Variants in XXYLT1 observed in about 807,000 individuals in gnomAD.
XXYLT1 encodes the protein UDP-xylose:alpha-xyloside alpha-1,3-xylosyltransferase.
Under a neutral mutation model 28.9 loss-of-function variants are expected in XXYLT1, and 20 were observed. That is an observed-to-expected ratio of 0.69 (90% confidence interval 0.49 to 1.00). XXYLT1 has a LOEUF of 1.00. Ranked by LOEUF, XXYLT1 falls within the 50% of genes least tolerant of loss-of-function variation. The pLI, the probability that XXYLT1 is intolerant of heterozygous loss-of-function variation, is 0.00. For synonymous variants in XXYLT1, 257 were observed against 253.8 expected, an observed-to-expected ratio of 1.01 and a Z score of -0.12; for missense variants, 542 against 560.1, an observed-to-expected ratio of 0.97 and a Z score of 0.33.
chr3:195,244,233 G>A (rs77423097), intron 1 of XXYLT1, among the ~76,000 whole-genome samples: 4,611 of 152,230 alleles, frequency 0.03, 96 homozygotes, highest in Non-Finnish European at 0.044. Flanking sequence ...CAAAGACACC[G>A]GCCCACTGGA....
intron 3 of XXYLT1, among the ~76,000 whole-genome samples, chr3:195,080,565 G>C (rs1037142231): frequency 6.6e-6 from 1 of 152,130 alleles, no homozygotes; most frequent in East Asian, 1.9e-4. Context: ...GATGGGGGAG[G>C]GTTTGTCAGA....
intron 3 of XXYLT1, among the ~76,000 whole-genome samples, chr3:195,100,221 T>C (rs1716701060): frequency 6.6e-6 from 1 of 152,152 alleles, no homozygotes; most frequent in Non-Finnish European, 1.5e-5. Context: ...TCATCCTCTG[T>C]GGATGTCTGA....
At chr3:195,103,401 CG>C (rs1560095879) in intron 3 of XXYLT1, among the ~76,000 whole-genome samples, 1 of 150,780 alleles carries the variant, frequency 6.6e-6, no homozygotes, top group African/African-American at 2.5e-5. Context: ...CAGCGGCCTG[CG>C]TCCATCACCC....
At chr3:195,190,401 A>C (rs78937434) in intron 2 of XXYLT1, among the ~76,000 whole-genome samples, 5,171 of 151,442 alleles carry the variant, frequency 0.034, 150 homozygotes, top group East Asian at 0.1. Context: ...AGGCTGAGGC[A>C]AAATAATCAC....
rs1398695676 is a variant in XXYLT1 at position 195,150,520 on chromosome 3, C to T, written c.785+5929G>A. On this transcript the variant is annotated intron_variant, in intron 3 of 3. Transcript: ENST00000310380. This position sits in a 1 kb window ranked among gnomAD's most constrained non-coding sequence, Gnocchi z 4.7. ...AAACCATGTGACTTAAAAAGGTGAA[C>T]GAGCGGACATGATTAAAATACTTAA... 2.0e-5 allele frequency among the ~76,000 whole-genome samples: 3 copies of T among 152,252 alleles called. No homozygotes were observed. Among genetic ancestry groups the T allele is most frequent in the African/African-American group, 7.2e-5 (3 of 41,544 alleles).
Position 195,173,153 on chromosome 3 carries a change from G to A in XXYLT1, c.653-16572C>T, listed in dbSNP as rs1325209201. ...CAGGAGCTCTGGCTCTCTAGACGGT[G>A]CTCCCAACAGTGGAGATGCTCACCC... On this transcript the variant is annotated intron_variant, in intron 2 of 3. Transcript: ENST00000310380. This position sits in a 1 kb window ranked among gnomAD's most constrained non-coding sequence, Gnocchi z 4.3. Among the ~76,000 whole-genome samples the A allele has an allele frequency of 6.6e-6, 1 of 152,188 alleles. No homozygotes were observed. The highest frequency in any genetic ancestry group is 1.9e-4 in the East Asian group (1 of 5,190).
At chr3:195,253,087 G>A (rs749753384) in intron 1 of XXYLT1, among the ~76,000 whole-genome samples, 9 of 152,246 alleles carry the variant, frequency 5.9e-5, no homozygotes, top group South Asian at 2.1e-4. Context: ...AGGGCTCTCC[G>A]TGGAGCCCAG....
intron 2 of XXYLT1, among the ~76,000 whole-genome samples, chr3:195,162,113 A>T (rs1297170107): frequency 6.6e-6 from 1 of 151,932 alleles, no homozygotes; most frequent in Non-Finnish European, 1.5e-5. Flanking sequence ...AAAAAAAAAA[A>T]ATTCCACTTG....
intron 2 of XXYLT1, among the ~76,000 whole-genome samples, chr3:195,198,944 A>G (rs1398293341): frequency 1.3e-5 from 2 of 152,236 alleles, no homozygotes; most frequent in Non-Finnish European, 2.9e-5. Context: ...TCTCAAGTTA[A>G]TAAGTAAATA....
At chr3:195,138,857 GA>G (rs552573280) in intron 3 of XXYLT1, among the ~76,000 whole-genome samples, 30,299 of 84,060 alleles carry the variant, frequency 0.36, 3,900 homozygotes, top group East Asian at 0.64. Flanking sequence ...TCTGCCTCAG[GA>G]AAAAAAAAAA....
intron 3 of XXYLT1, among the ~76,000 whole-genome samples, chr3:195,079,530 C>A (rs1715308937): frequency 6.6e-6 from 1 of 152,104 alleles, no homozygotes; most frequent in Non-Finnish European, 1.5e-5. Context: ...TAAATGTATT[C>A]AGTATAATGT....
intron 3 of XXYLT1, among the ~76,000 whole-genome samples, chr3:195,135,498 G>A (rs1719145176): frequency 6.6e-6 from 1 of 152,102 alleles, no homozygotes; most frequent in East Asian, 1.9e-4. Flanking sequence ...AGTACAAGTG[G>A]CTTCCATTTT....
intron 2 of XXYLT1, among the ~76,000 whole-genome samples, chr3:195,160,574 C>T (rs778027434): frequency 1.3e-5 from 2 of 152,206 alleles, no homozygotes; most frequent in Non-Finnish European, 1.5e-5. Flanking sequence ...TGCCACCTGC[C>T]TTATCATACT....
rs1359801463 is a variant in XXYLT1, at chr3:195,256,540, G to A, written c.504+14015C>T. The A allele has an allele frequency of 2.0e-6, 2 of 985,268 alleles. No individual in the cohort carries two copies. The highest frequency in any genetic ancestry group is 1.7e-5 in the African/African-American group (1 of 57,220). 61.0% of individuals were successfully genotyped at this position (985,268 alleles called of 1,614,324 possible). A position where few individuals can be genotyped will look rare whatever the true frequency, so the allele number is the denominator to read the frequency against. ...TCCAGGGATTATCCCAGAAAGAGGG[G>A]AAGAGCAGCCTCCTCACACCCCGCA... On this transcript the variant is annotated intron_variant, in intron 1 of 3. Transcript: ENST00000310380. This position sits in a 1 kb window ranked among gnomAD's most constrained non-coding sequence, Gnocchi z 4.2.
chr3:195,114,498 C>T (rs1281141188), intron 3 of XXYLT1, among the ~76,000 whole-genome samples: 1 of 152,222 alleles, frequency 6.6e-6, no homozygotes, highest in Non-Finnish European at 1.5e-5. Context: ...AAATCATTGT[C>T]ATTTCTCTAG....
At chr3:195,198,714 A>C (rs1490338806) in intron 2 of XXYLT1, among the ~76,000 whole-genome samples, 1 of 152,168 alleles carries the variant, frequency 6.6e-6, no homozygotes, top group African/African-American at 2.4e-5. Flanking sequence ...TATGCAACAC[A>C]CAACAAAACC....
chr3:195,243,354 T>C (rs1049202514), intron 1 of XXYLT1, among the ~76,000 whole-genome samples: 4 of 150,372 alleles, frequency 2.7e-5, no homozygotes, highest in African/African-American at 9.9e-5. Flanking sequence ...GAACTCAAAG[T>C]ATAATAAAAA....
intron 1 of XXYLT1, chr3:195,270,260 G>A: frequency 1.7e-6 from 1 of 581,564 alleles, no homozygotes; most frequent in Non-Finnish European, 2.9e-6. Context: ...ACCCTGCAAC[G>A]TTAGCAAAAT....
intron 2 of XXYLT1, among the ~76,000 whole-genome samples, chr3:195,220,469 C>A (rs1723776185): frequency 6.6e-6 from 1 of 152,122 alleles, no homozygotes; most frequent in Admixed American, 6.5e-5. Flanking sequence ...ACCACGACAC[C>A]ATAGGGCCTC....
Sources: gnomAD v4.1 joint callset for allele counts (sites outside exome capture counted in the v4.1 genomes callset) on GRCh38, gnomAD v4.1.1 for gene constraint, Gnocchi (gnomAD v3.1) non-coding constraint, MANE v1.5 for transcripts, NCBI Gene and HGNC (gene_info 2026-07-23, HGNC 2026-07-21) for gene names.